Variants in CNTN4 observed in about 807,000 individuals in gnomAD.
CNTN4 encodes the protein contactin 4.
CNTN4 carries 77 observed loss-of-function variants against 122.5 expected under a neutral mutation model. That is an observed-to-expected ratio of 0.63 (90% CI 0.52 to 0.76). The LOEUF (loss-of-function observed/expected upper bound fraction) is 0.76, where lower values mean the gene tolerates loss of function less well. Among genes scored for constraint, CNTN4 ranks in the 30% least tolerant of loss-of-function variants. CNTN4 has a pLI of 0.00. For synonymous variants in CNTN4, 512 were observed against 447.0 expected, an observed-to-expected ratio of 1.15 and a Z score of -1.83; for missense variants, 1,256 against 1,259.1, an observed-to-expected ratio of 1.00 and a Z score of 0.04.
chr3:2,630,266 C>T lies in CNTN4; in HGVS notation c.55+58708C>T, dbSNP rs180995178. 1.1e-4 allele frequency among the ~76,000 whole-genome samples: 16 copies of T among 152,126 alleles called. No individual in the cohort carries two copies. The East Asian group carries it at 2.7e-3, about 26-fold the overall frequency. ...CCTGGCCAACATGGTGAAACCCCAT[C>T]TGTGCCAAAAAATACAACAAAAATT... is the stretch of plus-strand genomic sequence containing the variant. On this transcript the variant is annotated intron_variant, in intron 4 of 24. Transcript: ENST00000418658.
intron 2 of CNTN4, among the ~76,000 whole-genome samples, chr3:2,277,615 A>T (rs2041564216): frequency 6.6e-6 from 1 of 152,178 alleles, no homozygotes; most frequent in Non-Finnish European, 1.5e-5. Context: ...TACGTGAAAC[A>T]CATATATGCA....
intron 6 of CNTN4, among the ~76,000 whole-genome samples, chr3:2,758,196 C>T (rs2090426044): frequency 6.6e-6 from 1 of 152,110 alleles, no homozygotes; most frequent in Non-Finnish European, 1.5e-5. Flanking sequence ...AGCGCAATGA[C>T]TACTTTCTTC....
intron 13 of CNTN4, among the ~76,000 whole-genome samples, chr3:2,963,039 T>C (rs916916094): frequency 6.6e-6 from 1 of 152,196 alleles, no homozygotes; most frequent in Admixed American, 6.5e-5. Flanking sequence ...GGATGCCGTA[T>C]ATCTATTAAT....
chr3:2,281,393 T>C (rs1336047746), intron 2 of CNTN4, among the ~76,000 whole-genome samples: 1 of 152,064 alleles, frequency 6.6e-6, no homozygotes, highest in Non-Finnish European at 1.5e-5. Flanking sequence ...TGCTTGTTAG[T>C]CCCCATGGCC....
At chr3:2,246,205 C>T (rs764034238) in intron 2 of CNTN4, among the ~76,000 whole-genome samples, 1 of 151,970 alleles carries the variant, frequency 6.6e-6, no homozygotes, top group African/African-American at 2.4e-5. Context: ...TGGACATTCT[C>T]ATCCTGCAAC....
chr3:2,614,193 T>A (rs1397452665), intron 4 of CNTN4, among the ~76,000 whole-genome samples: 1 of 152,036 alleles, frequency 6.6e-6, no homozygotes, highest in Admixed American at 6.6e-5. Context: ...GGAGCCACCA[T>A]GGAAACACCA....
chr3:2,710,148 G>A (rs1426471856), intron 4 of CNTN4, among the ~76,000 whole-genome samples: 3 of 152,146 alleles, frequency 2.0e-5, no homozygotes, highest in Admixed American at 6.5e-5. Flanking sequence ...GCATTTCGGG[G>A]CATCACTTTA....
chr3:2,571,656 G>T (rs553409555), intron 4 of CNTN4, 98 bp downstream of exon 4: 490 of 870,334 alleles, frequency 5.6e-4, no homozygotes, highest in African/African-American at 4.5e-3. Flanking sequence ...TGATAAAATC[G>T]CAAGAGTATA....
intron 2 of CNTN4, among the ~76,000 whole-genome samples, chr3:2,143,612 T>A (rs2035108821): frequency 6.6e-6 from 1 of 152,248 alleles, no homozygotes; most frequent in African/African-American, 2.4e-5. Context: ...TCTACTAATT[T>A]ATCAATGATA....
rs1450314875 is a variant in CNTN4, at chr3:2,925,589, G to C, written c.1208-40G>C. 1.9e-6 allele frequency: 3 copies of C among 1,589,188 alleles called. No homozygotes were observed. The African/African-American group carries it at 4.0e-5, about 21-fold the overall frequency. On this transcript the variant is annotated intron_variant, in intron 12 of 24. Coordinates refer to ENST00000418658, the MANE Select transcript of CNTN4 (RefSeq NM_175607.3). ...AGACTAAGGAATTATCTCATGGAAGGCTGTCTTGCATAATAATTATTTTTT... is the reference window on the plus strand; with the variant it reads ...AGACTAAGGAATTATCTCATGGAAGCCTGTCTTGCATAATAATTATTTTTT...
At chr3:2,650,643 C>G (rs1430243104) in intron 4 of CNTN4, among the ~76,000 whole-genome samples, 2 of 152,180 alleles carry the variant, frequency 1.3e-5, no homozygotes, top group African/African-American at 2.4e-5. Context: ...AACATCCACC[C>G]TGATCAGTCA....
chr3:2,382,633 CATT>C (rs749696236), intron 3 of CNTN4, among the ~76,000 whole-genome samples: 2 of 152,150 alleles, frequency 1.3e-5, no homozygotes, highest in Non-Finnish European at 2.9e-5. Flanking sequence ...ATTACTGGTA[CATT>C]AGGAACGAAA....
Position 2,639,390 on chromosome 3 carries a change from T to A in CNTN4, c.55+67832T>A, listed in dbSNP as rs539563534. ...TCCCTCAGATCAGTGCTTGCCCAAC[T>A]CCATCTCTTCCTCAAAAATTTGCTC... On this transcript the variant is annotated intron_variant, in intron 4 of 24. Coordinates refer to ENST00000418658, the MANE Select transcript of CNTN4 (RefSeq NM_175607.3). 1.6e-4 allele frequency among the ~76,000 whole-genome samples: 25 copies of A among 152,286 alleles called. No individual in the cohort carries two copies. The East Asian group carries it at 4.8e-3, about 29-fold the overall frequency.
chr3:2,949,478 T>A (rs2094714921), intron 13 of CNTN4, among the ~76,000 whole-genome samples: 1 of 152,214 alleles, frequency 6.6e-6, no homozygotes, highest in Non-Finnish European at 1.5e-5. Context: ...TTCCTTGCTT[T>A]TTTCAGTGCC....
At chr3:2,368,029 CTTT>C (rs549023861) in intron 3 of CNTN4, among the ~76,000 whole-genome samples, 34,512 of 108,198 alleles carry the variant, frequency 0.32, 3,516 homozygotes, top group Middle Eastern at 0.38. Flanking sequence ...TAGAAAACTT[CTTT>C]TTTTTTTTTT....
At chr3:2,958,067 C>T (rs2094817946) in intron 13 of CNTN4, among the ~76,000 whole-genome samples, 1 of 152,054 alleles carries the variant, frequency 6.6e-6, no homozygotes, top group Non-Finnish European at 1.5e-5. Context: ...TGATGGGAGG[C>T]TGTTGCATTT....
intron 4 of CNTN4, among the ~76,000 whole-genome samples, chr3:2,588,874 T>C (rs2080332199): frequency 6.6e-6 from 1 of 152,114 alleles, no homozygotes; most frequent in African/African-American, 2.4e-5. Flanking sequence ...AATCATATTT[T>C]TGTGTGTGAT....
At chr3:2,223,699 C>G (rs368405794) in intron 2 of CNTN4, among the ~76,000 whole-genome samples, 2 of 152,248 alleles carry the variant, frequency 1.3e-5, no homozygotes, top group African/African-American at 2.4e-5. Context: ...ATCACCATGC[C>G]TAGACTGTAC....
At chr3:2,779,335 C>G (rs115861443) in intron 6 of CNTN4, among the ~76,000 whole-genome samples, 1 of 151,842 alleles carries the variant, frequency 6.6e-6, no homozygotes, top group Non-Finnish European at 1.5e-5. Flanking sequence ...GGTGCGATCT[C>G]GGCTCAGGTG....
Sources: allele counts gnomAD v4.1 joint callset (sites outside exome capture counted in the v4.1 genomes callset), GRCh38; gene constraint gnomAD v4.1.1; transcripts MANE v1.5; gene names NCBI Gene and HGNC (gene_info 2026-07-23, HGNC 2026-07-21).